CLASP2: variants seen among roughly 807,000 people sequenced by gnomAD.
CLASP2 encodes the protein cytoplasmic linker associated protein 2, also known as CLIP-associating protein 2.
CLASP2 carries 47 observed loss-of-function variants against 194.4 expected under a neutral mutation model. The observed-to-expected ratio is 0.24, with a 90% CI of 0.19 to 0.31. The LOEUF (loss-of-function observed/expected upper bound fraction) is 0.31, where lower values mean the gene tolerates loss of function less well. Ranked by LOEUF, CLASP2 falls within the 10% of genes least tolerant of loss-of-function variation. CLASP2 has a pLI of 1.00. For synonymous variants in CLASP2, 619 were observed against 633.5 expected, an observed-to-expected ratio of 0.98 and a Z score of 0.34; for missense variants, 1,445 against 1,823.6, an observed-to-expected ratio of 0.79 and a Z score of 3.78.
intron 7 of CLASP2, among the ~76,000 whole-genome samples, chr3:33,658,767 G>T (rs1301671564): frequency 6.6e-6 from 1 of 151,988 alleles, no homozygotes; most frequent in African/African-American, 2.4e-5. Context: ...ATGCTTGCCA[G>T]ATCCCACACA....
intron 21 of CLASP2, among the ~76,000 whole-genome samples, chr3:33,591,567 C>T (rs1288768973): frequency 6.6e-6 from 1 of 152,218 alleles, no homozygotes; most frequent in Non-Finnish European, 1.5e-5. Context: ...GCTATTATCA[C>T]ACTGCTCTAT....
chr3:33,704,506 C>T (rs1371915154), intron 1 of CLASP2, among the ~76,000 whole-genome samples: 3 of 152,176 alleles, frequency 2.0e-5, no homozygotes, highest in African/African-American at 4.8e-5. Flanking sequence ...AATCCCAGCA[C>T]TTTGAGAGGC....
chr3:33,710,653 G>A (rs2092956210), intron 1 of CLASP2, among the ~76,000 whole-genome samples: 1 of 152,204 alleles, frequency 6.6e-6, no homozygotes. Flanking sequence ...CCGAGGAGTT[G>A]GCCAGGCGCG....
intron 27 of CLASP2, among the ~76,000 whole-genome samples, chr3:33,565,041 T>C (rs1158199525): frequency 6.6e-6 from 1 of 152,142 alleles, no homozygotes; most frequent in Non-Finnish European, 1.5e-5. Context: ...CTGCCACCCC[T>C]GAGATAGCAA....
rs1254780977 is a variant in CLASP2 at position 33,696,797 on chromosome 3, GA to G, written c.274+57del. The G allele has an allele frequency of 2.6e-6, 3 of 1,156,868 alleles. No homozygotes were observed. The African/African-American group carries it at 4.7e-5, about 18-fold the overall frequency. The allele number at this position is 1,156,868 out of a possible 1,614,324, so 71.7% of individuals were successfully genotyped here. A position where few individuals can be genotyped will look rare whatever the true frequency, so the allele number is the denominator to read the frequency against. ...CTATTTCTGCTAAATAAAAACTAAC[GA>G]AAAAAGTCATCATGTCAAATCTTAT... On this transcript the variant is annotated intron_variant, in intron 2 of 38. Coordinates refer to ENST00000682230, the MANE Select transcript of CLASP2 (RefSeq NM_001365631.1).
intron 20 of CLASP2, 183 bp from the exon 21 acceptor site, chr3:33,592,679 T>TA (rs1560199359): frequency 7.7e-6 from 5 of 649,238 alleles, no homozygotes; most frequent in Admixed American, 7.1e-5. Context: ...TGTTATACCA[T>TA]AAGCTAATTT....
At chr3:33,687,351 T>A (rs1431210987) in intron 4 of CLASP2, among the ~76,000 whole-genome samples, 1 of 152,202 alleles carries the variant, frequency 6.6e-6, no homozygotes, top group Non-Finnish European at 1.5e-5. Flanking sequence ...CAAACCTGAA[T>A]AATCACAACT....
intron 12 of CLASP2, among the ~76,000 whole-genome samples, chr3:33,617,812 T>C (rs1205965242): frequency 6.6e-6 from 1 of 151,316 alleles, no homozygotes; most frequent in Non-Finnish European, 1.5e-5. Context: ...TATGAAATAA[T>C]GGTTATTAAA....
intron 27 of CLASP2, among the ~76,000 whole-genome samples, chr3:33,561,519 T>C (rs1246384510): frequency 6.6e-6 from 1 of 152,268 alleles, no homozygotes; most frequent in Non-Finnish European, 1.5e-5. Context: ...TAATTTTAAA[T>C]GATTTAACTG....
chr3:33,591,968 C>T (rs761660588), intron 21 of CLASP2, among the ~76,000 whole-genome samples: 2 of 152,118 alleles, frequency 1.3e-5, no homozygotes, highest in Non-Finnish European at 2.9e-5. Context: ...GCAATTATTT[C>T]GTCTCTAAAA....
chr3:33,501,843 A>T, intron 37 of CLASP2, 75 bp from the exon 38 acceptor site: 1 of 899,172 alleles, frequency 1.1e-6, no homozygotes, highest in South Asian at 1.4e-5. Context: ...GGGTCAGAAG[A>T]TGCAGCTGAA....
chr3:33,606,641 T>C lies in CLASP2; in HGVS notation c.1644A>G (p.Ala548=). 6 of 1,613,740 alleles carry C rather than the reference T, an allele frequency of 3.7e-6. No individual in the cohort carries two copies. The highest frequency in any genetic ancestry group is 5.1e-6 in the Non-Finnish European group (6 of 1,179,748). Residue 548 remains alanine (A), a synonymous_variant, in exon 16 of 39, where the codon GCA becomes GCG. Coordinates refer to ENST00000682230, the MANE Select transcript of CLASP2 (RefSeq NM_001365631.1). ...QTYLKSSGSV[A]SLPQSDRSSS... is the part of the protein sequence containing the mutation. ...AGGACCTGTCTGATTGTGGAAGAGA[T>C]GCTACACTGCCAGAACTCTTTAAGT...
Position 33,592,487 on chromosome 3 carries a change from C to T in CLASP2, c.1976G>A (p.Arg659Lys). The T allele has an allele frequency of 6.2e-7, 1 of 1,611,094 alleles. No homozygotes were observed. Among genetic ancestry groups the T allele is most frequent in the Non-Finnish European group, 8.5e-7 (1 of 1,178,196 alleles). ...DGTASEDGRV[R>K]AKLSAPLAGM... ...AGCAAGTGGTGCTGAAAGTTTTGCT[C>T]TCACCCGGCCTGAGAAATAAAATAT... The change falls in exon 21 of 39, where the codon AGA becomes AAA. Residue 659 changes from arginine to lysine, a missense_variant. This residue lies in a region of CLASP2 where 174 missense variants were observed against 179.0 expected (regional missense o/e 0.97). Transcript: ENST00000682230.
At chr3:33,598,346 A>T (rs964856066) in intron 18 of CLASP2, among the ~76,000 whole-genome samples, 5 of 151,952 alleles carry the variant, frequency 3.3e-5, no homozygotes, top group Non-Finnish European at 7.4e-5. Context: ...CACTCTTCTT[A>T]ATGTCCAACT....
At position 33,644,850 on chromosome 3, in the gene CLASP2, C is replaced by A. The variant is rs368159421; in HGVS notation, c.769G>T (p.Ala257Ser). The A allele has an allele frequency of 6.2e-7, 1 of 1,610,008 alleles. No homozygotes were observed. The highest frequency in any genetic ancestry group is 8.5e-7 in the Non-Finnish European group (1 of 1,177,936). ...SVDGNRPSSAASAFKVPAPKT... is the reference protein window; with the variant it reads ...SVDGNRPSSASSAFKVPAPKT... ...GGTGCAGGAACCTTGAAGGCTGATG[C>A]AGCTGATGATGGCCTATTTCCATCC... Residue 257 changes from alanine to serine, a missense_variant, in exon 8 of 39, where the codon GCA (alanine) becomes TCA (serine). Transcript: ENST00000682230.
chr3:33,559,267 CA>C, intron 29 of CLASP2, 39 bp downstream of exon 29: 1 of 1,151,110 alleles, frequency 8.7e-7, no homozygotes, highest in Non-Finnish European at 1.3e-6. Context: ...ATAAATACTT[CA>C]ATTCTTTATA....
intron 1 of CLASP2, among the ~76,000 whole-genome samples, chr3:33,711,708 G>A (rs2093020913): frequency 6.6e-6 from 1 of 151,930 alleles, no homozygotes; most frequent in South Asian, 2.1e-4. Context: ...TCAAAAAGTG[G>A]GCAAAGGGCA....
intron 1 of CLASP2, among the ~76,000 whole-genome samples, chr3:33,708,590 TTTTC>T (rs2092847303): frequency 1.3e-5 from 2 of 149,774 alleles, no homozygotes; most frequent in African/African-American, 4.9e-5. Flanking sequence ...ACCCCCCACA[TTTTC>T]TTTATCCATT....
chr3:33,679,316 C>T (rs994097153), intron 6 of CLASP2, among the ~76,000 whole-genome samples: 23 of 152,010 alleles, frequency 1.5e-4, no homozygotes, highest in African/African-American at 5.6e-4. Context: ...TCTAATTGAC[C>T]TTTGGTTTGG....
Sources: allele counts gnomAD v4.1 joint callset (sites outside exome capture counted in the v4.1 genomes callset), GRCh38; gene constraint gnomAD v4.1.1; regional missense constraint gnomAD v4.1.1; transcripts MANE v1.5; gene names NCBI Gene and HGNC (gene_info 2026-07-23, HGNC 2026-07-21).